DRC11: variants seen among roughly 807,000 people sequenced by gnomAD.
DRC11 encodes IQ and AAA domain-containing protein 1.
the DRC11 span, chr2:236,338,210 C>T: frequency 6.2e-7 from 1 of 1,613,458 alleles, no homozygotes; most frequent in Non-Finnish European, 8.5e-7. Flanking sequence ...CTTGCCGTAT[C>T]TGGAAGCATA....
the DRC11 span, chr2:236,503,677 C>A: frequency 2.9e-5 from 45 of 1,550,840 alleles, no homozygotes; most frequent in Non-Finnish European, 3.7e-5. The surrounding 1 kb of genome is among the most constrained non-coding windows in gnomAD (Gnocchi z 4.9). Context: ...TTCCACCAGA[C>A]CCTCTTCCCT....
chr2:236,393,985 A>G, the DRC11 span, among the ~76,000 whole-genome samples: 1 of 152,192 alleles, frequency 6.6e-6, no homozygotes, highest in African/African-American at 2.4e-5. The surrounding 1 kb of genome is among the most constrained non-coding windows in gnomAD (Gnocchi z 4.7). Flanking sequence ...ATGGAATAAA[A>G]TATATAAAGT....
the DRC11 span, among the ~76,000 whole-genome samples, chr2:236,448,050 AG>A: frequency 1.7e-3 from 253 of 152,380 alleles, 3 homozygotes; most frequent in African/African-American, 5.6e-3. This position sits in a 1 kb window ranked among gnomAD's most constrained non-coding sequence, Gnocchi z 5.3. Context: ...GCAAAAAAGC[AG>A]CATATTTAAC....
chr2:236,472,222 C>A, the DRC11 span, among the ~76,000 whole-genome samples: 1 of 152,162 alleles, frequency 6.6e-6, no homozygotes, highest in Non-Finnish European at 1.5e-5. The surrounding 1 kb of genome is among the most constrained non-coding windows in gnomAD (Gnocchi z 4.6). Context: ...CCTGAAGACA[C>A]AGTTGTATAG....
the DRC11 span, among the ~76,000 whole-genome samples, chr2:236,506,214 C>T: frequency 6.6e-6 from 1 of 152,320 alleles, no homozygotes; most frequent in East Asian, 1.9e-4. This position sits in a 1 kb window ranked among gnomAD's most constrained non-coding sequence, Gnocchi z 4.9. Flanking sequence ...GTCTCCTCTT[C>T]CCCCAGCCTT....
At chr2:236,394,256 G>A in the DRC11 span, among the ~76,000 whole-genome samples, 6 of 152,308 alleles carry the variant, frequency 3.9e-5, no homozygotes, top group East Asian at 5.8e-4. This position sits in a 1 kb window ranked among gnomAD's most constrained non-coding sequence, Gnocchi z 7.0. Flanking sequence ...CAGTGCCTGC[G>A]TCTTTAGTGG....
At chr2:236,410,033 G>A in the DRC11 span, among the ~76,000 whole-genome samples, 1 of 151,888 alleles carries the variant, frequency 6.6e-6, no homozygotes, top group African/African-American at 2.4e-5. Flanking sequence ...GAGGATTTTT[G>A]CATCAATGTT....
chr2:236,341,153 C>T, the DRC11 span, among the ~76,000 whole-genome samples: 17 of 152,376 alleles, frequency 1.1e-4, 1 homozygote, highest in East Asian at 1.5e-3. Context: ...CACAATACAA[C>T]CGCCACAGCC....
At chr2:236,442,775 G>A in the DRC11 span, among the ~76,000 whole-genome samples, 3 of 152,288 alleles carry the variant, frequency 2.0e-5, no homozygotes, top group African/African-American at 4.8e-5. Flanking sequence ...CCAACTCATA[G>A]GAGTGAATAC....
chr2:236,370,392 G>C, the DRC11 span, among the ~76,000 whole-genome samples: 1 of 152,152 alleles, frequency 6.6e-6, no homozygotes, highest in Non-Finnish European at 1.5e-5. This position sits in a 1 kb window ranked among gnomAD's most constrained non-coding sequence, Gnocchi z 5.5. Context: ...GTAAAGGCCT[G>C]GCATCTTGGA....
At chr2:236,442,744 G>T in the DRC11 span, among the ~76,000 whole-genome samples, 1 of 152,150 alleles carries the variant, frequency 6.6e-6, no homozygotes, top group South Asian at 2.1e-4. Flanking sequence ...ATAATGGAAG[G>T]TCTAAGTCAT....
At chr2:236,388,311 G>A in the DRC11 span, among the ~76,000 whole-genome samples, 1 of 148,372 alleles carries the variant, frequency 6.7e-6, no homozygotes, top group East Asian at 2.0e-4. Context: ...ATCAGACGTA[G>A]ATTTGGTCTT....
At chr2:236,418,098 G>T in the DRC11 span, among the ~76,000 whole-genome samples, 1 of 152,260 alleles carries the variant, frequency 6.6e-6, no homozygotes, top group South Asian at 2.1e-4. Context: ...CCAGTAATGG[G>T]ATTGCTGGGT....
chr2:236,435,563 T>C, the DRC11 span, among the ~76,000 whole-genome samples: 2 of 152,080 alleles, frequency 1.3e-5, no homozygotes, highest in African/African-American at 2.4e-5. Context: ...ACAATCATGG[T>C]GGAAGGGAAA....
the DRC11 span, among the ~76,000 whole-genome samples, chr2:236,473,774 A>T: frequency 6.6e-6 from 1 of 151,498 alleles, no homozygotes; most frequent in Non-Finnish European, 1.5e-5. The surrounding 1 kb of genome is among the most constrained non-coding windows in gnomAD (Gnocchi z 4.8). Flanking sequence ...TTAAAATGAC[A>T]ATATCCAAAA....
the DRC11 span, among the ~76,000 whole-genome samples, chr2:236,326,795 TGTGTG>T: frequency 8.4e-5 from 1 of 11,888 alleles, no homozygotes; most frequent in Non-Finnish European, 1.9e-4. Context: ...AGATTTGTTG[TGTGTG>T]TGTGTGTGTG....
the DRC11 span, chr2:236,408,468 C>T: frequency 1.4e-6 from 1 of 739,554 alleles, no homozygotes. The surrounding 1 kb of genome is among the most constrained non-coding windows in gnomAD (Gnocchi z 5.5). Context: ...GTATGGGCTG[C>T]TCTAGCCTCT....
chr2:236,441,082 T>A, the DRC11 span: 1 of 1,562,480 alleles, frequency 6.4e-7, no homozygotes, highest in Non-Finnish European at 8.7e-7. Flanking sequence ...CTGACCCTCC[T>A]TCTTCAACGT....
the DRC11 span, among the ~76,000 whole-genome samples, chr2:236,334,605 G>C: frequency 1.3e-5 from 2 of 152,314 alleles, no homozygotes; most frequent in South Asian, 2.1e-4. The surrounding 1 kb of genome is among the most constrained non-coding windows in gnomAD (Gnocchi z 7.8). Flanking sequence ...GGATGAAAGA[G>C]AATTTGGCCT....
Sources: allele counts gnomAD v4.1 joint callset (sites outside exome capture counted in the v4.1 genomes callset), GRCh38; gene constraint gnomAD v4.1.1; non-coding constraint Gnocchi (gnomAD v3.1); transcripts MANE v1.5; gene names NCBI Gene and HGNC (gene_info 2026-07-23, HGNC 2026-07-21).